PDXP: variants seen among roughly 807,000 people sequenced by gnomAD.
The protein encoded by PDXP is chronophin.
PDXP carries 15 observed loss-of-function variants against 14.4 expected under a neutral mutation model. That is an observed-to-expected ratio of 1.04 (90% CI 0.70 to 1.60). The LOEUF (loss-of-function observed/expected upper bound fraction) is 1.60, where lower values mean the gene tolerates loss of function less well. PDXP is among the 40% of genes most tolerant of loss of function. The probability of loss-of-function intolerance (pLI) is 0.00; values close to 1 mark genes in which losing one functional copy is unlikely to be tolerated. For synonymous variants in PDXP, 233 were observed against 205.6 expected, an observed-to-expected ratio of 1.13 and a Z score of -1.14; for missense variants, 413 against 427.6, an observed-to-expected ratio of 0.97 and a Z score of 0.30.
At chr22:37,665,100 G>A (rs1468344390) in intron 1 of PDXP, 1 of 195,734 alleles carries the variant, frequency 5.1e-6, no homozygotes, top group African/African-American at 2.3e-5. Context: ...GCGCCCGTTT[G>A]GAGGTAGGCA....
chr22:37,661,376 CAATATT>C (rs1458123422), intron 1 of PDXP, among the ~76,000 whole-genome samples: 2 of 150,210 alleles, frequency 1.3e-5, no homozygotes, highest in Non-Finnish European at 1.5e-5. Flanking sequence ...TGTGGTGTGA[CAATATT>C]AATAAAAGCC....
Position 37,666,014 on chromosome 22 carries a change from T to A in PDXP, c.*143T>A, listed in dbSNP as rs1601597860. On this transcript the variant is annotated 3_prime_UTR_variant, in exon 2 of 2. Transcript: ENST00000215904. Reference sequence around the variant, plus strand: ...GGGTGGGGCTGGGACCCGGGGAAGGTTTGAGGGCCCTTGCAACCCCCTCCC... The same window carrying A: ...GGGTGGGGCTGGGACCCGGGGAAGGATTGAGGGCCCTTGCAACCCCCTCCC... The A allele has an allele frequency of 7.1e-6, 6 of 840,088 alleles. No homozygotes were observed. In the South Asian group the frequency reaches 7.2e-5, roughly 10 times the overall value. 52.0% of individuals were successfully genotyped at this position (840,088 alleles called of 1,614,324 possible).
chr22:37,663,577 G>A (rs1475540715), intron 1 of PDXP, among the ~76,000 whole-genome samples: 2 of 151,986 alleles, frequency 1.3e-5, no homozygotes, highest in Non-Finnish European at 2.9e-5. Flanking sequence ...GACTGTCCGG[G>A]TCAGTGGCCA....
In PDXP at chr22:37,659,351, C is replaced by T; in HGVS notation, c.569C>T (p.Thr190Ile). 1 of 1,299,632 alleles carries T rather than the reference C, an allele frequency of 7.7e-7. No homozygotes were observed. Among genetic ancestry groups the T allele is most frequent in the South Asian group, 2.9e-5 (1 of 33,946 alleles). The allele number at this position is 1,299,632 out of a possible 1,614,324, so 80.5% of individuals were successfully genotyped here. The stretch of plus-strand genomic sequence containing the variant: ...CACCCGCTGAGCGACGGCAGCCGGA[C>T]CCCTGGTGAGCGCGGGAATGGCGGG... ...PWHPLSDGSR[T>I]PGTGSLAAAV... Residue 190 changes from threonine (T) to isoleucine (I), a missense_variant, in exon 1 of 2, where the codon ACC becomes ATC. Coordinates refer to ENST00000215904, the MANE Select transcript of PDXP (RefSeq NM_020315.5).
chr22:37,659,437 A>G, intron 1 of PDXP, 81 bp downstream of exon 1: 1 of 1,091,656 alleles, frequency 9.2e-7, no homozygotes, highest in East Asian at 3.0e-5. Flanking sequence ...GGGGCGGGGA[A>G]GAGGCGTCTC....
At chr22:37,662,839 T>C (rs1225507914) in intron 1 of PDXP, among the ~76,000 whole-genome samples, 2 of 148,534 alleles carry the variant, frequency 1.3e-5, no homozygotes, top group African/African-American at 5.0e-5. Context: ...AATACAAAAA[T>C]AAGCTGGGTG....
intron 1 of PDXP, among the ~76,000 whole-genome samples, chr22:37,663,359 G>C (rs1177128162): frequency 6.7e-6 from 1 of 150,082 alleles, no homozygotes; most frequent in African/African-American, 2.5e-5. Context: ...TTTTTTTTGA[G>C]ACAGGGTCTC....
intron 1 of PDXP, chr22:37,665,235 G>A: frequency 2.3e-6 from 1 of 427,752 alleles, no homozygotes; most frequent in Non-Finnish European, 4.2e-6. Context: ...GCCAGGCCCT[G>A]TTTACCTGCA....
Position 37,658,916 on chromosome 22 carries a change from A to G in PDXP, c.134A>G (p.Glu45Gly). 8.2e-7 allele frequency: 1 copy of G among 1,222,202 alleles called. No homozygotes were observed. Among genetic ancestry groups the G allele is most frequent in the Non-Finnish European group, 1.0e-6 (1 of 979,366 alleles). The allele number at this position is 1,222,202 out of a possible 1,614,324, so 75.7% of individuals were successfully genotyped here. A position where few individuals can be genotyped will look rare whatever the true frequency, so the allele number is the denominator to read the frequency against. Residue 45 changes from glutamate (E) to glycine (G), a missense_variant, in exon 1 of 2, where the codon GAG (glutamate) becomes GGG (glycine). Glu to Gly is a moderately conservative substitution (Grantham distance 98). Transcript: ENST00000215904. ...GTGCCGGGCGCCCCGGAGCTGCTGG[A>G]GCGGCTGGCGCGGGCCGGCAAGGCG... ...RAVPGAPELL[E>G]RLARAGKAAL...
Position 37,658,944 on chromosome 22 carries a change from T to C in PDXP, c.162T>C (p.Ala54=). The change falls in exon 1 of 2, where the codon GCT becomes GCC. Residue 54 remains alanine, a synonymous_variant. Coordinates refer to ENST00000215904, the MANE Select transcript of PDXP (RefSeq NM_020315.5). ...LERLARAGKA[A]LFVSNNSRRA... is the part of the protein sequence containing the mutation. ...GGCTGGCGCGGGCCGGCAAGGCGGC[T>C]CTGTTTGTGAGCAACAACAGCCGGC... 1 of 1,213,428 alleles carries C rather than the reference T, an allele frequency of 8.2e-7. No individual in the cohort carries two copies. Among genetic ancestry groups the C allele is most frequent in the Non-Finnish European group, 1.0e-6 (1 of 973,546 alleles). 75.2% of individuals were successfully genotyped at this position (1,213,428 alleles called of 1,614,324 possible). A position where few individuals can be genotyped will look rare whatever the true frequency, so the allele number is the denominator to read the frequency against.
chr22:37,666,624 G>C lies in PDXP; in HGVS notation c.*753G>C, dbSNP rs1359897908. ...CAGGTTTCAGTCAGTAAATAAGAGTGGTCCACGTCCTAAAGACACCTCTCC... is the reference window on the plus strand; with the variant it reads ...CAGGTTTCAGTCAGTAAATAAGAGTCGTCCACGTCCTAAAGACACCTCTCC... On this transcript the variant is annotated 3_prime_UTR_variant, in exon 2 of 2. Coordinates refer to ENST00000215904, the MANE Select transcript of PDXP (RefSeq NM_020315.5). 5 of 167,148 alleles carry C rather than the reference G, an allele frequency of 3.0e-5. No individual in the cohort carries two copies. Among genetic ancestry groups the C allele is most frequent in the Non-Finnish European group, 7.3e-5 (5 of 68,202 alleles). The allele number at this position is 167,148 out of a possible 1,614,324, so 10.4% of individuals were successfully genotyped here. A position where few individuals can be genotyped will look rare whatever the true frequency, so the allele number is the denominator to read the frequency against.
rs956178105 is a variant in PDXP, at chr22:37,665,978, G to A, written c.*107G>A. 4.2e-6 allele frequency: 5 copies of A among 1,186,854 alleles called. No individual in the cohort carries two copies. The highest frequency in any genetic ancestry group is 3.0e-5 in the African/African-American group (2 of 65,824). The allele number at this position is 1,186,854 out of a possible 1,614,324, so 73.5% of individuals were successfully genotyped here. A position where few individuals can be genotyped will look rare whatever the true frequency, so the allele number is the denominator to read the frequency against. On this transcript the variant is annotated 3_prime_UTR_variant, in exon 2 of 2. Transcript: ENST00000215904. Reference sequence around the variant, plus strand: ...TAAGCACAACCGGCTCCTTGGTCCAGTTCTGCACCGGGGTGGGGCTGGGAC... The same window carrying A: ...TAAGCACAACCGGCTCCTTGGTCCAATTCTGCACCGGGGTGGGGCTGGGAC...
At chr22:37,663,409 G>GCT (rs1447572874) in intron 1 of PDXP, among the ~76,000 whole-genome samples, 1 of 151,822 alleles carries the variant, frequency 6.6e-6, no homozygotes, top group Non-Finnish European at 1.5e-5. Context: ...CAAGATCACA[G>GCT]CTCACTTTAA....
At position 37,665,637 on chromosome 22, in the gene PDXP, C is replaced by G. The variant is rs755025302; in HGVS notation, c.657C>G (p.Phe219Leu). 2 of 1,613,962 alleles carry G rather than the reference C, an allele frequency of 1.2e-6. No homozygotes were observed. Among genetic ancestry groups the G allele is most frequent in the South Asian group, 1.1e-5 (1 of 91,090 alleles). The change falls in exon 2 of 2, where the codon TTC (phenylalanine) becomes TTG (leucine). Residue 219 changes from phenylalanine to leucine, a missense_variant. Phe to Leu is a conservative substitution (Grantham distance 22). Transcript: ENST00000215904. ...TGGGCAAGCCCAGCCCCTACATGTT[C>G]GAGTGCATCACGGAGAACTTCAGCA... ...LVVGKPSPYM[F>L]ECITENFSID...
chr22:37,665,442 C>CGTGT (rs1366647152), intron 1 of PDXP, 113 bp from the exon 2 acceptor site: 1 of 822,928 alleles, frequency 1.2e-6, no homozygotes, highest in Non-Finnish European at 1.9e-6. Flanking sequence ...CTTTCTGGCT[C>CGTGT]CTGTCAGCAG....
Position 37,659,223 on chromosome 22 carries a change from T to G in PDXP, c.441T>G (p.Leu147=). Reference sequence around the variant, plus strand: ...CGGCCCCGCGCGTGCGCGCCGTGCTTGTGGGCTACGACGAGCACTTCTCCT... The same window carrying G: ...CGGCCCCGCGCGTGCGCGCCGTGCTGGTGGGCTACGACGAGCACTTCTCCT... The part of the protein sequence containing the change: ...DGAAPRVRAV[L]VGYDEHFSFA... The change falls in exon 1 of 2, where the codon CTT becomes CTG. Residue 147 remains leucine (L), a synonymous_variant. Transcript: ENST00000215904. The G allele has an allele frequency of 7.7e-7, 1 of 1,303,136 alleles. No homozygotes were observed. Among genetic ancestry groups the G allele is most frequent in the Non-Finnish European group, 9.8e-7 (1 of 1,022,366 alleles). The allele number at this position is 1,303,136 out of a possible 1,614,324, so 80.7% of individuals were successfully genotyped here.
At chr22:37,661,396 A>G (rs1933200327) in intron 1 of PDXP, among the ~76,000 whole-genome samples, 1 of 151,168 alleles carries the variant, frequency 6.6e-6, no homozygotes, top group East Asian at 1.9e-4. Context: ...AAAAGCCCCC[A>G]TGATGTGTAT....
intron 1 of PDXP, among the ~76,000 whole-genome samples, chr22:37,659,850 G>T (rs1459608848): frequency 6.6e-6 from 1 of 152,220 alleles, no homozygotes; most frequent in Non-Finnish European, 1.5e-5. Flanking sequence ...TGCTCAGCAT[G>T]CCCGGTGACG....
chr22:37,659,555 C>G (rs1933161206), intron 1 of PDXP, among the ~76,000 whole-genome samples, 199 bp downstream of exon 1: 1 of 152,162 alleles, frequency 6.6e-6, no homozygotes. Context: ...GCAGTGTGGT[C>G]CCTGTTGGAC....
Sources: allele counts gnomAD v4.1 joint callset (sites outside exome capture counted in the v4.1 genomes callset), GRCh38; gene constraint gnomAD v4.1.1; transcripts MANE v1.5; gene names NCBI Gene and HGNC (gene_info 2026-07-23, HGNC 2026-07-21).